Variants in PCED1B observed in about 807,000 individuals in gnomAD.
The protein encoded by PCED1B is PC-esterase domain-containing protein 1B.
For synonymous variants in PCED1B, 251 were observed against 246.1 expected (o/e 1.02, Z -0.19); for missense variants, 573 against 573.9 (o/e 1.00, Z 0.02).
At chr12:47,082,791 A>T (rs2137135637) in intron 1 of PCED1B, among the ~76,000 whole-genome samples, 1 of 152,294 alleles carries the variant, frequency 6.6e-6, no homozygotes, top group Non-Finnish European at 1.5e-5. Context: ...ATTAAACAGA[A>T]GAGAGACGTT....
chr12:47,117,364 C>A (rs1027063099), intron 2 of PCED1B, among the ~76,000 whole-genome samples: 4 of 152,094 alleles, frequency 2.6e-5, no homozygotes, highest in Admixed American at 6.6e-5. Context: ...CACCCCATGA[C>A]AGGCCCCAGT....
intron 2 of PCED1B, among the ~76,000 whole-genome samples, chr12:47,105,253 C>T (rs1298488078): frequency 6.6e-6 from 1 of 150,674 alleles, no homozygotes; most frequent in East Asian, 2.0e-4. Flanking sequence ...TGGGGGGCGG[C>T]GGGGGAGATG....
chr12:47,116,424 T>G (rs1939422784), intron 2 of PCED1B, among the ~76,000 whole-genome samples: 1 of 152,194 alleles, frequency 6.6e-6, no homozygotes, highest in South Asian at 2.1e-4. Context: ...AGTGAAGGTC[T>G]GTTTTTTGAT....
intron 2 of PCED1B, among the ~76,000 whole-genome samples, chr12:47,138,024 C>T (rs1940454556): frequency 6.6e-6 from 1 of 152,162 alleles, no homozygotes; most frequent in Admixed American, 6.5e-5. Flanking sequence ...AGACCTCATT[C>T]TGGAGTTTCA....
chr12:47,096,038 G>A (rs1424360029), intron 1 of PCED1B, among the ~76,000 whole-genome samples: 3 of 151,818 alleles, frequency 2.0e-5, no homozygotes, highest in African/African-American at 4.8e-5. Flanking sequence ...CAATAATTGA[G>A]GTCTCCTTGT....
intron 1 of PCED1B, among the ~76,000 whole-genome samples, chr12:47,099,879 G>A (rs1174834381): frequency 1.3e-5 from 2 of 152,126 alleles, no homozygotes; most frequent in African/African-American, 4.8e-5. Flanking sequence ...AGTTTCTCAG[G>A]CTCCAATCCA....
chr12:47,093,363 T>C (rs1174031451), intron 1 of PCED1B, among the ~76,000 whole-genome samples: 1 of 149,788 alleles, frequency 6.7e-6, no homozygotes, highest in Admixed American at 6.6e-5. Flanking sequence ...GAATTTGTTT[T>C]GTCTATTTTT....
chr12:47,220,068 C>CAA (rs763940625), intron 3 of PCED1B, among the ~76,000 whole-genome samples: 228 of 103,502 alleles, frequency 2.2e-3, no homozygotes, highest in Non-Finnish European at 3.3e-3. Context: ...GACACTGCCT[C>CAA]AAAAAAAAAA....
intron 2 of PCED1B, among the ~76,000 whole-genome samples, chr12:47,176,784 T>A (rs1941938410): frequency 6.6e-6 from 1 of 152,084 alleles, no homozygotes; most frequent in Non-Finnish European, 1.5e-5. Context: ...CTCATGGGAC[T>A]GAGCCCTTAA....
At chr12:47,179,710 A>G (rs12822740) in intron 2 of PCED1B, among the ~76,000 whole-genome samples, 30,758 of 152,060 alleles carry the variant, frequency 0.2, 3,963 homozygotes, top group East Asian at 0.43. Context: ...TCATTTATTT[A>G]TTCATCAATC....
intron 2 of PCED1B, among the ~76,000 whole-genome samples, chr12:47,154,340 T>C (rs1941115951): frequency 6.6e-6 from 1 of 152,200 alleles, no homozygotes; most frequent in African/African-American, 2.4e-5. Context: ...ATTTGAATCA[T>C]GCTTAGCACC....
chr12:47,100,479 ACTT>A (rs1465634387), intron 1 of PCED1B, among the ~76,000 whole-genome samples: 1 of 152,196 alleles, frequency 6.6e-6, no homozygotes, highest in African/African-American at 2.4e-5. Flanking sequence ...CATTTAAAGC[ACTT>A]CTTCTCCCTT....
intron 1 of PCED1B, among the ~76,000 whole-genome samples, chr12:47,084,128 C>T (rs927794844): frequency 2.0e-5 from 3 of 152,152 alleles, no homozygotes; most frequent in African/African-American, 4.8e-5. Context: ...GCATTTATTA[C>T]ACCAAATCTA....
At chr12:47,108,582 G>A (rs989604862) in intron 2 of PCED1B, among the ~76,000 whole-genome samples, 1 of 152,056 alleles carries the variant, frequency 6.6e-6, no homozygotes, top group African/African-American at 2.4e-5. Context: ...CTGACCACTG[G>A]TGAGACCTAC....
intron 1 of PCED1B, among the ~76,000 whole-genome samples, chr12:47,099,709 T>C (rs1938623133): frequency 6.6e-6 from 1 of 152,174 alleles, no homozygotes; most frequent in Non-Finnish European, 1.5e-5. Context: ...AAACAGGAAA[T>C]TACTATTAGC....
At position 47,167,224 on chromosome 12, in the gene PCED1B, C is replaced by T. The variant is rs562856807; in HGVS notation, c.-525-48998C>T. Among the ~76,000 whole-genome samples the T allele has an allele frequency of 1.1e-4, 16 of 151,938 alleles. No individual in the cohort carries two copies. The East Asian group carries it at 1.9e-3, about 18-fold the overall frequency. The stretch of plus-strand genomic sequence containing the variant: ...GAGCTTTTTCTGTGTCTGTTGGTCT[C>T]GATGGCCTTTAGCTAAAATATTCAA... On this transcript the variant is annotated intron_variant, in intron 2 of 3. Transcript: ENST00000546455.
chr12:47,193,187 C>T (rs763242697), intron 2 of PCED1B, among the ~76,000 whole-genome samples: 1 of 152,088 alleles, frequency 6.6e-6, no homozygotes. Context: ...CTCATATGTA[C>T]CAAAATATGA....
At chr12:47,212,061 C>T (rs1483002965) in intron 2 of PCED1B, among the ~76,000 whole-genome samples, 1 of 128,572 alleles carries the variant, frequency 7.8e-6, no homozygotes, top group Non-Finnish European at 1.6e-5. Flanking sequence ...GGAGACAGAG[C>T]GAGACTCCGT....
At chr12:47,102,619 A>G (rs1240883766) in intron 1 of PCED1B, among the ~76,000 whole-genome samples, 1 of 152,214 alleles carries the variant, frequency 6.6e-6, no homozygotes, top group Non-Finnish European at 1.5e-5. Context: ...GGCACAAGCT[A>G]AAGAGCCTTC....
Sources: allele counts gnomAD v4.1 joint callset (sites outside exome capture counted in the v4.1 genomes callset), GRCh38; gene constraint gnomAD v4.1.1; transcripts MANE v1.5; gene names NCBI Gene and HGNC (gene_info 2026-07-23, HGNC 2026-07-21).